UBE3B: variants seen among roughly 807,000 people sequenced by gnomAD.
UBE3B encodes the protein ubiquitin-protein ligase E3B.
A neutral mutation model predicts 132.3 loss-of-function variants in UBE3B; 80 were observed. The observed-to-expected ratio is 0.60, with a 90% CI of 0.50 to 0.73. The LOEUF (loss-of-function observed/expected upper bound fraction) is 0.73. UBE3B is among the 30% of genes least tolerant of loss of function. The pLI is 0.00. For synonymous variants in UBE3B, 487 were observed against 520.4 expected (o/e 0.94, Z 0.87); for missense variants, 1,196 against 1,362.5 (o/e 0.88, Z 1.92).
chr12:109,503,177 G>A lies in UBE3B; in HGVS notation c.1437G>A (p.Leu479=), dbSNP rs1358523077. 2 of 1,614,096 alleles carry A rather than the reference G, an allele frequency of 1.2e-6. No individual in the cohort carries two copies. Among genetic ancestry groups the A allele is most frequent in the East Asian group, 2.2e-5 (1 of 44,878 alleles). Residue 479 remains leucine, a synonymous_variant, in exon 14 of 28, where the codon CTG becomes CTA. Coordinates refer to ENST00000342494, the MANE Select transcript of UBE3B (RefSeq NM_130466.4). The stretch of plus-strand genomic sequence containing the variant: ...TGACAACTCTCACACAGATTCGGCT[G>A]CAGATACTCACAGGTTCGCAGTCCC... The part of the protein sequence containing the change: ...TSLTTLTQIR[L]QILTGLTYLD...
chr12:109,522,370 T>C lies in UBE3B; in HGVS notation c.2364+819T>C, dbSNP rs1219542290. On this transcript the variant is annotated intron_variant, in intron 21 of 27. Coordinates refer to ENST00000342494, the MANE Select transcript of UBE3B (RefSeq NM_130466.4). This position sits in a 1 kb window ranked among gnomAD's most constrained non-coding sequence, Gnocchi z 4.2. ...AAAGCCAAGGTGGGACCACCTTCAG[T>C]GGGAAGTCACCGCCTGTTCCTTGGG... 6.6e-6 allele frequency among the ~76,000 whole-genome samples: 1 copy of C among 152,100 alleles called. No individual in the cohort carries two copies. Among genetic ancestry groups the C allele is most frequent in the African/African-American group, 2.4e-5 (1 of 41,414 alleles).
downstream of UBE3B, among the ~76,000 whole-genome samples, chr12:109,540,804 G>C (rs74820297): frequency 1.9e-3 from 287 of 152,326 alleles, 1 homozygote; most frequent in Non-Finnish European, 2.6e-3. Flanking sequence ...TTTACAACAA[G>C]AACATTGTAG....
chr12:109,530,145 CTTTTAGAGAGTTG>C (rs1352610225), intron 25 of UBE3B, 73 bp downstream of exon 25: 1 of 1,566,988 alleles, frequency 6.4e-7, no homozygotes, highest in African/African-American at 1.4e-5. Flanking sequence ...CGCTGGGTTC[CTTTTAGAGAGTTG>C]TTTTAGGAGC....
At chr12:109,518,293 C>T (rs1333709190) in intron 19 of UBE3B, among the ~76,000 whole-genome samples, 1 of 152,150 alleles carries the variant, frequency 6.6e-6, no homozygotes, top group African/African-American at 2.4e-5. Context: ...AAGAGGCCAC[C>T]GCCACTCAGC....
chr12:109,528,196 T>C, intron 24 of UBE3B: 1 of 346,230 alleles, frequency 2.9e-6, no homozygotes, highest in Non-Finnish European at 4.1e-6. Context: ...TGCCAGTTTC[T>C]CCCTCTTTAG....
Position 109,516,834 on chromosome 12 carries a change from G to A in UBE3B, c.2026G>A (p.Ala676Thr). The change falls in exon 19 of 28, where the codon GCC becomes ACC. Residue 676 changes from alanine to threonine, a missense_variant. Physicochemically the swap from Ala to Thr is moderately conservative, Grantham distance 58. Transcript: ENST00000342494. Reference sequence around the variant, plus strand: ...ACTGGGGCTGGTGGAAACCAGCTCTGCCTCCCCGCATGTCACTCACATCAC... The same window carrying A: ...ACTGGGGCTGGTGGAAACCAGCTCTACCTCCCCGCATGTCACTCACATCAC... ...EKLGLVETSS[A>T]SPHVTHITIR... The A allele has an allele frequency of 4.3e-6, 7 of 1,614,066 alleles. No individual in the cohort carries two copies. The highest frequency in any genetic ancestry group is 5.9e-6 in the Non-Finnish European group (7 of 1,180,020).
chr12:109,516,167 CTTTTTTTTT>C (rs59084691), intron 18 of UBE3B, among the ~76,000 whole-genome samples: 8 of 91,140 alleles, frequency 8.8e-5, no homozygotes, highest in African/African-American at 1.3e-4. Flanking sequence ...TCTTTTTTTT[CTTTTTTTTT>C]TTTTTTTTTT....
chr12:109,487,523 C>T (rs1400339458), intron 6 of UBE3B, among the ~76,000 whole-genome samples: 3 of 152,200 alleles, frequency 2.0e-5, no homozygotes, highest in Admixed American at 6.5e-5. Flanking sequence ...CATGGCTCAG[C>T]GCAGGGTTTC....
Position 109,522,553 on chromosome 12 carries a change from C to T in UBE3B, c.2364+1002C>T, listed in dbSNP as rs977546332. 2.0e-5 allele frequency among the ~76,000 whole-genome samples: 3 copies of T among 152,222 alleles called. No homozygotes were observed. The highest frequency in any genetic ancestry group is 7.2e-5 in the African/African-American group (3 of 41,452). ...CGGAGGAAGCGAGCCACCTGGGCAGCACTCCTCGCATACCCCAGGAACCTG... is the reference window on the plus strand; with the variant it reads ...CGGAGGAAGCGAGCCACCTGGGCAGTACTCCTCGCATACCCCAGGAACCTG... On this transcript the variant is annotated intron_variant, in intron 21 of 27. Coordinates refer to ENST00000342494, the MANE Select transcript of UBE3B (RefSeq NM_130466.4). This position sits in a 1 kb window ranked among gnomAD's most constrained non-coding sequence, Gnocchi z 4.2.
At chr12:109,480,770 A>G (rs1364638899) in intron 1 of UBE3B, among the ~76,000 whole-genome samples, 3 of 152,180 alleles carry the variant, frequency 2.0e-5, no homozygotes, top group Non-Finnish European at 2.9e-5. Context: ...CTGCTTCACC[A>G]TGTGCATGCT....
Position 109,477,681 on chromosome 12 carries a change from G to T in UBE3B, c.-556G>T. The T allele has an allele frequency of 5.0e-6, 1 of 201,706 alleles. No individual in the cohort carries two copies. Among genetic ancestry groups the T allele is most frequent in the Non-Finnish European group, 1.0e-5 (1 of 97,150 alleles). 12.5% of individuals were successfully genotyped at this position (201,706 alleles called of 1,614,324 possible). On this transcript the variant is annotated 5_prime_UTR_variant, in exon 1 of 28. Coordinates refer to ENST00000342494, the MANE Select transcript of UBE3B (RefSeq NM_130466.4). ...GGTAGTGCGTCGGCTGCTGCCCCGG[G>T]TCTGGCAGAACTCGGGTGTTTTGGG...
At chr12:109,547,693 C>T in the UBE3B span, among the ~76,000 whole-genome samples, 5 of 152,316 alleles carry the variant, frequency 3.3e-5, no homozygotes, top group East Asian at 9.6e-4. This position sits in a 1 kb window ranked among gnomAD's most constrained non-coding sequence, Gnocchi z 4.1. Flanking sequence ...TCCTTGAACC[C>T]TCCCCCAAAC....
intron 6 of UBE3B, among the ~76,000 whole-genome samples, chr12:109,487,456 C>T (rs1001879004): frequency 2.0e-5 from 3 of 152,218 alleles, no homozygotes; most frequent in African/African-American, 4.8e-5. Context: ...CATTCCCAGC[C>T]ATCCCTCTTT....
chr12:109,483,396 C>G (rs889217975), intron 2 of UBE3B, 135 bp from the exon 3 acceptor site: 1 of 806,618 alleles, frequency 1.2e-6, no homozygotes, highest in Non-Finnish European at 1.8e-6. Context: ...GAGCTGTTAG[C>G]GCTTTGGAGG....
chr12:109,525,873 G>C (rs1882281159), intron 23 of UBE3B, among the ~76,000 whole-genome samples: 1 of 152,168 alleles, frequency 6.6e-6, no homozygotes, highest in Non-Finnish European at 1.5e-5. Flanking sequence ...GTGCCCACAG[G>C]GTGCCCGTGA....
intron 26 of UBE3B, 83 bp from the exon 27 acceptor site, chr12:109,533,383 A>C: frequency 7.8e-7 from 1 of 1,287,728 alleles, no homozygotes; most frequent in Non-Finnish European, 1.1e-6. Flanking sequence ...AGACAGAGCA[A>C]ACACGTGCTA....
At position 109,486,504 on chromosome 12, in the gene UBE3B, C is replaced by T. The variant is rs151084567; in HGVS notation, c.376C>T (p.Leu126Phe). 67 of 1,605,408 alleles carry T rather than the reference C, an allele frequency of 4.2e-5. No homozygotes were observed. The African/African-American group carries it at 8.2e-4, about 20-fold the overall frequency. ...WYVSLACSKD[L>F]TLLWIQQIKN... The stretch of plus-strand genomic sequence containing the variant: ...TGTGTCCCTGGCTTGTTCTAAGGAC[C>T]TCACCCTCCTTTGGATTCAACAGAT... The change falls in exon 6 of 28, where the codon CTC (leucine) becomes TTC (phenylalanine). Residue 126 changes from leucine to phenylalanine, a missense_variant. Coordinates refer to ENST00000342494, the MANE Select transcript of UBE3B (RefSeq NM_130466.4).
intron 14 of UBE3B, among the ~76,000 whole-genome samples, chr12:109,506,226 G>A (rs562838379): frequency 1.5e-3 from 235 of 152,372 alleles, no homozygotes; most frequent in African/African-American, 5.6e-3. Flanking sequence ...CAAAGGTGGC[G>A]AGCCTGCAAG....
chr12:109,513,206 G>A (rs1880589540), intron 18 of UBE3B, among the ~76,000 whole-genome samples: 1 of 151,992 alleles, frequency 6.6e-6, no homozygotes, highest in African/African-American at 2.4e-5. Context: ...CTGGACCCGC[G>A]TGTCTGTGAA....
Sources: gnomAD v4.1 joint callset for allele counts (sites outside exome capture counted in the v4.1 genomes callset) on GRCh38, gnomAD v4.1.1 for gene constraint, Gnocchi (gnomAD v3.1) non-coding constraint, MANE v1.5 for transcripts, NCBI Gene and HGNC (gene_info 2026-07-23, HGNC 2026-07-21) for gene names.